DDX50: variants seen among roughly 807,000 people sequenced by gnomAD.
DDX50 encodes the protein DExD-box helicase 50.
Under a neutral mutation model 94.8 loss-of-function variants are expected in DDX50, and 56 were observed. The observed-to-expected ratio is 0.59, with a 90% confidence interval of 0.48 to 0.74. The LOEUF is 0.74. DDX50 is among the 30% of genes least tolerant of loss of function. The pLI is 0.00. For missense variants in DDX50, 713 were observed against 881.2 expected, an observed-to-expected ratio of 0.81 and a Z score of 2.42; for synonymous variants, 264 against 295.4, an observed-to-expected ratio of 0.89 and a Z score of 1.09.
At chr10:68,930,114 C>CTTTTTTTT (rs34023657) in intron 8 of DDX50, among the ~76,000 whole-genome samples, 7 of 99,774 alleles carry the variant, frequency 7.0e-5, no homozygotes, top group Admixed American at 1.1e-4. Flanking sequence ...CTTTCCTTTC[C>CTTTTTTTT]TTTTTTTTTT....
At position 68,937,080 on chromosome 10, in the gene DDX50, GATC is replaced by G; in HGVS notation, c.1742_1744del (p.Ile581del). The G allele has an allele frequency of 6.2e-7, 1 of 1,612,474 alleles. No individual in the cohort carries two copies. The highest frequency in any genetic ancestry group is 8.5e-7 in the Non-Finnish European group (1 of 1,179,272). On this transcript the variant is annotated inframe_deletion, in exon 12 of 15. Transcript: ENST00000373585. ...CATCAAGCTTTGAACCACGATCTTTGATCACCTCTGATAAGGTAGAAATCTGTG... is the reference window on the plus strand; with the variant it reads ...CATCAAGCTTTGAACCACGATCTTTGACCTCTGATAAGGTAGAAATCTGTG...
intron 1 of DDX50, among the ~76,000 whole-genome samples, chr10:68,903,692 T>A (rs956980985): frequency 5.9e-5 from 9 of 152,020 alleles, no homozygotes; most frequent in Middle Eastern, 3.4e-3. Flanking sequence ...TCCCAGCTAC[T>A]CAGGAGGCTG....
intron 12 of DDX50, 131 bp from the exon 13 acceptor site, chr10:68,940,929 T>G: frequency 8.1e-7 from 1 of 1,241,850 alleles, no homozygotes; most frequent in Non-Finnish European, 1.1e-6. Flanking sequence ...TCAAAAAAAT[T>G]TTTTAGCTGC....
chr10:68,915,714 CAA>C (rs1206127189), intron 7 of DDX50, among the ~76,000 whole-genome samples: 7 of 92,318 alleles, frequency 7.6e-5, no homozygotes, highest in Admixed American at 2.2e-4. Context: ...GACAACATCT[CAA>C]AAAAAAAAAA....
At chr10:68,929,307 CTCTCTCTTTCTT>C in intron 8 of DDX50, among the ~76,000 whole-genome samples, 1 of 128,396 alleles carries the variant, frequency 7.8e-6, no homozygotes, top group South Asian at 2.4e-4. Context: ...CTCTCTCTCT[CTCTCTCTTTCTT>C]TCTCTTTCTT....
intron 8 of DDX50, among the ~76,000 whole-genome samples, chr10:68,920,409 C>T (rs1189270033): frequency 6.6e-6 from 1 of 152,078 alleles, no homozygotes; most frequent in Non-Finnish European, 1.5e-5. Context: ...GCAATTCCGC[C>T]CTCCCCTTGG....
At chr10:68,944,753 G>C (rs1842629310) in intron 14 of DDX50, among the ~76,000 whole-genome samples, 1 of 152,068 alleles carries the variant, frequency 6.6e-6, no homozygotes, top group South Asian at 2.1e-4. Flanking sequence ...CACCATGTTG[G>C]CCAGGATGGT....
rs200894143 is a variant in DDX50, at chr10:68,911,151, C to T, written c.544C>T (p.Arg182Trp). The change falls in exon 4 of 15, where the codon CGG becomes TGG. Residue 182 changes from arginine to tryptophan, a missense_variant. Physicochemically the swap from Arg to Trp is moderately radical, Grantham distance 101 (BLOSUM62 -3). Around this residue, in one of 2 missense-constraint regions of DDX50, gnomAD observed 285 missense variants for 278.9 expected, o/e 1.02. Transcript: ENST00000373585. The part of the protein sequence containing the change: ...YEGKDLIAQA[R>W]TGTGKTFSFA... ...AGGAAAAGATTTAATAGCTCAAGCA[C>T]GGACAGGAACAGGAAAGACATTCTC... 75 of 1,612,300 alleles carry T rather than the reference C, an allele frequency of 4.7e-5. No homozygotes were observed. The highest frequency in any genetic ancestry group is 3.8e-4 in the Admixed American group (23 of 59,866).
intron 8 of DDX50, among the ~76,000 whole-genome samples, chr10:68,924,395 C>G (rs1270578345): frequency 6.6e-6 from 1 of 152,186 alleles, no homozygotes; most frequent in African/African-American, 2.4e-5. Context: ...GATCTTCTCT[C>G]ATCAGCCTCC....
intron 8 of DDX50, among the ~76,000 whole-genome samples, chr10:68,924,305 A>G (rs1187476859): frequency 2.6e-5 from 4 of 151,742 alleles, no homozygotes; most frequent in Non-Finnish European, 5.9e-5. Flanking sequence ...GGGTCCCACC[A>G]TGTTGCCAGC....
intron 1 of DDX50, among the ~76,000 whole-genome samples, chr10:68,903,630 G>A (rs1227321231): frequency 1.3e-5 from 2 of 151,980 alleles, no homozygotes; most frequent in Admixed American, 6.6e-5. Flanking sequence ...GTGAAACTCC[G>A]TCTTTACTAA....
chr10:68,925,095 G>GTTT (rs1239190321), intron 8 of DDX50, among the ~76,000 whole-genome samples: 194 of 28,510 alleles, frequency 6.8e-3, no homozygotes, highest in African/African-American at 0.013. Context: ...CCTGCTCATG[G>GTTT]TTTTTTTTTT....
chr10:68,936,596 C>T (rs565469753), intron 11 of DDX50, among the ~76,000 whole-genome samples: 6 of 132,260 alleles, frequency 4.5e-5, no homozygotes, highest in South Asian at 2.5e-4. Context: ...TCCAGCACTT[C>T]GGGAGGCTGA....
chr10:68,908,451 CAAAAAAAAAAAAAAA>C (rs71223162), intron 2 of DDX50, among the ~76,000 whole-genome samples: 13 of 43,710 alleles, frequency 3.0e-4, no homozygotes, highest in Admixed American at 1.7e-3. Context: ...AACTCCATCT[CAAAAAAAAAAAAAAA>C]AAAAAAAAGA....
rs184437072 is a variant in DDX50, at chr10:68,904,139, C to T, written c.88-2572C>T. Among the ~76,000 whole-genome samples the T allele has an allele frequency of 2.2e-3, 324 of 148,182 alleles. 1 individual carries two copies. The highest frequency in any genetic ancestry group is 4.9e-3 in the Admixed American group (73 of 14,958). ...AATCTGGGCAACAAGAGCGAAACTCCGTCTCAAAAAAAAAAAAAAAAATTA... is the reference window on the plus strand; with the variant it reads ...AATCTGGGCAACAAGAGCGAAACTCTGTCTCAAAAAAAAAAAAAAAAATTA... On this transcript the variant is annotated intron_variant, in intron 1 of 14. Coordinates refer to ENST00000373585, the MANE Select transcript of DDX50 (RefSeq NM_024045.2).
chr10:68,911,400 A>G (rs1841623140), intron 4 of DDX50, among the ~76,000 whole-genome samples, 154 bp downstream of exon 4: 1 of 152,272 alleles, frequency 6.6e-6, no homozygotes, highest in African/African-American at 2.4e-5. Context: ...AGAAATTTCA[A>G]GCAAAGTTAA....
intron 12 of DDX50, among the ~76,000 whole-genome samples, chr10:68,939,452 T>C (rs1842503782): frequency 6.6e-6 from 1 of 152,196 alleles, no homozygotes; most frequent in Non-Finnish European, 1.5e-5. Context: ...ATTTCTTTCA[T>C]GGGTTAAACC....
chr10:68,936,999 A>G lies in DDX50; in HGVS notation c.1659A>G (p.Ile553Met). The G allele has an allele frequency of 6.2e-7, 1 of 1,612,224 alleles. No individual in the cohort carries two copies. The change falls in exon 12 of 15, where the codon ATA (isoleucine) becomes ATG (methionine). Residue 553 changes from isoleucine to methionine, a missense_variant. Ile to Met is a conservative substitution (Grantham distance 10). Transcript: ENST00000373585. The stretch of plus-strand genomic sequence containing the variant: ...TCCGACCATCAGCTCAGAGACTGAT[A>G]GAAGAGAAAGGTGCAGTGGATGCAT... ...DFFRPSAQRL[I>M]EEKGAVDALA...
intron 14 of DDX50, among the ~76,000 whole-genome samples, chr10:68,943,872 C>T (rs10823274): frequency 0.58 from 87,776 of 152,064 alleles, 26,498 homozygotes; most frequent in East Asian, 0.89. Context: ...CCACCATACC[C>T]AGTAAAAAAT....
Sources: gnomAD v4.1 joint callset for allele counts (sites outside exome capture counted in the v4.1 genomes callset) on GRCh38, gnomAD v4.1.1 for gene constraint, gnomAD v4.1.1 regional missense constraint, MANE v1.5 for transcripts, NCBI Gene and HGNC (gene_info 2026-07-23, HGNC 2026-07-21) for gene names.